Variants in KATNBL1 observed in about 807,000 individuals in gnomAD.
The protein encoded by KATNBL1 is katanin regulatory subunit B1 like 1, also known as KATNB1-like protein 1.
KATNBL1 carries 28 observed loss-of-function variants against 44.7 expected under a neutral mutation model. The ratio of observed to expected loss-of-function variants is 0.63; its 90% CI spans 0.46 to 0.86. The LOEUF is 0.86. Ranked by LOEUF, KATNBL1 falls within the 40% of genes least tolerant of loss-of-function variation. The pLI is 0.00. For missense variants in KATNBL1, 272 were observed against 350.7 expected, an observed-to-expected ratio of 0.78 and a Z score of 1.79; for synonymous variants, 78 against 114.9, an observed-to-expected ratio of 0.68 and a Z score of 2.06.
intron 1 of KATNBL1, among the ~76,000 whole-genome samples, chr15:34,184,576 CTT>C (rs71119942): frequency 2.1e-5 from 2 of 95,256 alleles, no homozygotes; most frequent in African/African-American, 3.9e-5. Context: ...CCTAATGTTT[CTT>C]TTTTTTTTTT....
intron 8 of KATNBL1, 154 bp downstream of exon 8, chr15:34,146,607 C>G: frequency 1.8e-6 from 1 of 563,720 alleles, no homozygotes; most frequent in Non-Finnish European, 3.2e-6. Context: ...GTGGTTTTCA[C>G]AAATGAACAG....
At position 34,168,942 on chromosome 15, in the gene KATNBL1, T is replaced by C. The variant is rs531058939; in HGVS notation, c.-14-5252A>G. Among the ~76,000 whole-genome samples, 13 of 152,292 alleles carry C rather than the reference T, an allele frequency of 8.5e-5. No homozygotes were observed. The South Asian group carries it at 2.7e-3, about 32-fold the overall frequency. Reference sequence around the variant, plus strand: ...TCTCTGGGACACATTTAAAGCAGTGTGTAGCCGGAAATTTATGGCATTAAA... The same window carrying C: ...TCTCTGGGACACATTTAAAGCAGTGCGTAGCCGGAAATTTATGGCATTAAA... On this transcript the variant is annotated intron_variant, in intron 1 of 9. Transcript: ENST00000256544.
chr15:34,178,777 A>G (rs919193233), intron 1 of KATNBL1, among the ~76,000 whole-genome samples: 1 of 138,768 alleles, frequency 7.2e-6, no homozygotes, highest in Non-Finnish European at 1.6e-5. Flanking sequence ...AAAAAAAAAA[A>G]GGATTTCACT....
chr15:34,168,709 T>G (rs982431012), intron 1 of KATNBL1, among the ~76,000 whole-genome samples: 3 of 152,092 alleles, frequency 2.0e-5, no homozygotes, highest in Non-Finnish European at 4.4e-5. Flanking sequence ...CCTCAGGAAA[T>G]GTAAAAGAAC....
intron 7 of KATNBL1, 51 bp downstream of exon 7, chr15:34,147,149 A>G (rs769167528): frequency 2.6e-5 from 31 of 1,183,554 alleles, no homozygotes; most frequent in Non-Finnish European, 3.3e-5. Context: ...AAAGCACAAA[A>G]TCAAGGATGC....
chr15:34,171,019 A>G (rs57530092), intron 1 of KATNBL1, among the ~76,000 whole-genome samples: 49,835 of 152,054 alleles, frequency 0.33, 8,594 homozygotes, highest in African/African-American at 0.45. Context: ...CAGGACACAG[A>G]CATCGGCAAG....
chr15:34,202,124 T>C (rs544439469), intron 1 of KATNBL1, among the ~76,000 whole-genome samples: 3 of 152,196 alleles, frequency 2.0e-5, no homozygotes, highest in Non-Finnish European at 4.4e-5. Flanking sequence ...ACATAAAACA[T>C]TGTCACTTTA....
intron 2 of KATNBL1, among the ~76,000 whole-genome samples, chr15:34,158,883 G>C (rs954780878): frequency 6.6e-6 from 1 of 152,052 alleles, no homozygotes; most frequent in African/African-American, 2.4e-5. Context: ...CATTTGAAAG[G>C]GGTCTTTCTT....
chr15:34,153,007 T>G lies in KATNBL1; in HGVS notation c.221A>C (p.Lys74Thr), dbSNP rs1200324866. ...KLRKVIYRRK[K>T]VHHPFPNPCY... The stretch of plus-strand genomic sequence containing the variant: ...AGGATTTGGAAAGGGATGATGAACT[T>G]TCTTTCTGCGATAGATCACTTTACG... The change falls in exon 4 of 10, where the codon AAA becomes ACA. Residue 74 changes from lysine to threonine, a missense_variant. Lys to Thr is a moderately conservative substitution (Grantham distance 78). This residue lies in a region of KATNBL1 where 122 missense variants were observed against 125.0 expected (regional missense o/e 0.98). Transcript: ENST00000256544. 13 of 1,613,810 alleles carry G rather than the reference T, an allele frequency of 8.1e-6. No homozygotes were observed. The highest frequency in any genetic ancestry group is 1.1e-5 in the Non-Finnish European group (13 of 1,179,652).
intron 1 of KATNBL1, among the ~76,000 whole-genome samples, chr15:34,181,870 C>CATATATATATATATATATAT (rs374057022): frequency 3.0e-4 from 22 of 73,086 alleles, no homozygotes; most frequent in South Asian, 5.0e-4. Flanking sequence ...TATATATATC[C>CATATATATATATATATATAT]ATATATATAT....
intron 1 of KATNBL1, among the ~76,000 whole-genome samples, chr15:34,167,256 A>G (rs1889006723): frequency 6.6e-6 from 1 of 152,220 alleles, no homozygotes; most frequent in African/African-American, 2.4e-5. Flanking sequence ...AACTTAAATG[A>G]CATCATGGAG....
intron 1 of KATNBL1, chr15:34,166,226 C>G (rs772981741): frequency 6.6e-6 from 1 of 152,352 alleles, no homozygotes; most frequent in African/African-American, 2.4e-5. Flanking sequence ...ACGGGACACT[C>G]TAGCCCAGAT....
intron 2 of KATNBL1, among the ~76,000 whole-genome samples, chr15:34,161,673 G>A (rs1280185414): frequency 6.6e-6 from 1 of 152,176 alleles, no homozygotes; most frequent in Non-Finnish European, 1.5e-5. Context: ...AGCTAATTCT[G>A]ATAGGCTATT....
chr15:34,208,188 A>G (rs973095056), intron 1 of KATNBL1, among the ~76,000 whole-genome samples: 3 of 152,096 alleles, frequency 2.0e-5, no homozygotes, highest in Non-Finnish European at 4.4e-5. Flanking sequence ...ATTCTGGTGC[A>G]CCCATTACCT....
At chr15:34,200,422 G>GT (rs71119947) in intron 1 of KATNBL1, among the ~76,000 whole-genome samples, 79,175 of 146,758 alleles carry the variant, frequency 0.54, 22,664 homozygotes, top group East Asian at 0.7. Flanking sequence ...CCAGCTAATT[G>GT]TTTTTTTTTT....
chr15:34,163,601 T>C lies in KATNBL1; in HGVS notation c.76A>G (p.Arg26Gly), dbSNP rs1285124770. Residue 26 changes from arginine (R) to glycine (G), a missense_variant, in exon 2 of 10, where the codon AGA (arginine) becomes GGA (glycine). Arg to Gly is a moderately radical substitution (Grantham distance 125). Around this residue, in one of 3 missense-constraint regions of KATNBL1, gnomAD observed 122 missense variants for 125.0 expected, o/e 0.98. Coordinates refer to ENST00000256544, the MANE Select transcript of KATNBL1 (RefSeq NM_024713.3). Reference protein sequence around the residue: ...KIEDHFIDLPRKKISNFTNKN... With the variant: ...KIEDHFIDLPGKKISNFTNKN... The stretch of plus-strand genomic sequence containing the variant: ...TTAGTGAAATTAGAGATCTTTTTTC[T>C]AGGAAGATCAATGAAATGATCCTCA... 1 of 1,598,332 alleles carries C rather than the reference T, an allele frequency of 6.3e-7. No individual in the cohort carries two copies.
chr15:34,185,485 C>T (rs754872718), intron 1 of KATNBL1, among the ~76,000 whole-genome samples: 6 of 152,076 alleles, frequency 3.9e-5, no homozygotes, highest in Non-Finnish European at 8.8e-5. Flanking sequence ...CGTATATTTA[C>T]GTATGCAATG....
intron 1 of KATNBL1, among the ~76,000 whole-genome samples, chr15:34,175,665 A>G (rs1408462332): frequency 6.6e-6 from 1 of 152,232 alleles, no homozygotes; most frequent in African/African-American, 2.4e-5. Flanking sequence ...GGCTATACTA[A>G]AAAAGACAGA....
chr15:34,201,496 G>A lies in KATNBL1; in HGVS notation c.-15+8455C>T, dbSNP rs544314551. ...CTTTTGAATTTTGTATAATGTGCAA[G>A]TATGTTTTAACTTAATTATAATGTA... On this transcript the variant is annotated intron_variant, in intron 1 of 9. Coordinates refer to ENST00000256544, the MANE Select transcript of KATNBL1 (RefSeq NM_024713.3). Among the ~76,000 whole-genome samples, 37 of 152,274 alleles carry A rather than the reference G, an allele frequency of 2.4e-4. 1 individual carries two copies. The highest frequency in any genetic ancestry group is 9.2e-4 in the Admixed American group (14 of 15,296).
Sources: gnomAD v4.1 joint callset for allele counts (sites outside exome capture counted in the v4.1 genomes callset) on GRCh38, gnomAD v4.1.1 for gene constraint, gnomAD v4.1.1 regional missense constraint, MANE v1.5 for transcripts, NCBI Gene and HGNC (gene_info 2026-07-23, HGNC 2026-07-21) for gene names.